PHKB: variants seen among roughly 807,000 people sequenced by gnomAD.
The protein encoded by PHKB is phosphorylase kinase regulatory subunit beta.
A neutral mutation model predicts 152.1 loss-of-function variants in PHKB; 122 were observed. That is an observed-to-expected ratio of 0.80 (90% CI 0.69 to 0.93). The LOEUF (loss-of-function observed/expected upper bound fraction) is 0.93, where lower values mean the gene tolerates loss of function less well. Among genes scored for constraint, PHKB ranks in the 40% least tolerant of loss-of-function variants. The probability of loss-of-function intolerance (pLI) is 0.00; values close to 1 mark genes in which losing one functional copy is unlikely to be tolerated. For synonymous variants in PHKB, 436 were observed against 464.9 expected (o/e 0.94, Z 0.80); for missense variants, 1,304 against 1,328.4 (o/e 0.98, Z 0.29).
chr16:47,694,844 C>T (rs1410503848), intron 28 of PHKB, among the ~76,000 whole-genome samples: 1 of 152,156 alleles, frequency 6.6e-6, no homozygotes, highest in African/African-American at 2.4e-5. Flanking sequence ...CTAATACTTA[C>T]CAGATTTTCA....
rs566214570 is a variant in PHKB at position 47,466,087 on chromosome 16, A to G, written c.76+4661A>G. 4.6e-5 allele frequency among the ~76,000 whole-genome samples: 7 copies of G among 152,038 alleles called. No individual in the cohort carries two copies. In the East Asian group the frequency reaches 1.4e-3, roughly 29 times the overall value. On this transcript the variant is annotated intron_variant, in intron 1 of 30. Coordinates refer to ENST00000323584, the MANE Select transcript of PHKB (RefSeq NM_000293.3). ...TGTTTTTTCTTTGTTTCTCCTCTTT[A>G]TGGAATTTAGTGTGAATCCTGTATT...
At chr16:47,514,596 A>T (rs1970564489) in intron 5 of PHKB, among the ~76,000 whole-genome samples, 2 of 152,162 alleles carry the variant, frequency 1.3e-5, no homozygotes, top group Non-Finnish European at 2.9e-5. Flanking sequence ...GGTCTTCCCC[A>T]CTCAGACAGC....
chr16:47,541,202 T>C (rs1597068512), intron 6 of PHKB, among the ~76,000 whole-genome samples: 1 of 152,286 alleles, frequency 6.6e-6, no homozygotes. Flanking sequence ...TGTGTCCAAG[T>C]GTTCTCATTG....
At chr16:47,580,048 C>T (rs890207980) in intron 7 of PHKB, among the ~76,000 whole-genome samples, 2 of 152,030 alleles carry the variant, frequency 1.3e-5, no homozygotes, top group Non-Finnish European at 2.9e-5. Context: ...CTACTCCCAT[C>T]AATAGTATGA....
intron 1 of PHKB, among the ~76,000 whole-genome samples, chr16:47,472,008 A>T (rs887509894): frequency 6.6e-6 from 1 of 152,188 alleles, no homozygotes; most frequent in Non-Finnish European, 1.5e-5. Context: ...TTGAGCTGAG[A>T]TTGCACCACT....
intron 6 of PHKB, among the ~76,000 whole-genome samples, chr16:47,525,759 CTGTT>C (rs1284204713): frequency 6.6e-6 from 1 of 152,142 alleles, no homozygotes; most frequent in Non-Finnish European, 1.5e-5. Flanking sequence ...GAAGTGCACT[CTGTT>C]TGTCATTTAT....
At chr16:47,527,939 C>G (rs983498401) in intron 6 of PHKB, among the ~76,000 whole-genome samples, 3 of 152,172 alleles carry the variant, frequency 2.0e-5, no homozygotes, top group Admixed American at 6.5e-5. Flanking sequence ...ACACCTTGGT[C>G]TTAGACTTCC....
chr16:47,582,583 G>C (rs1168510126), intron 8 of PHKB, among the ~76,000 whole-genome samples: 3 of 152,082 alleles, frequency 2.0e-5, no homozygotes, highest in African/African-American at 7.2e-5. Flanking sequence ...GATTTAATTG[G>C]TGTAGGGGGA....
intron 13 of PHKB, among the ~76,000 whole-genome samples, chr16:47,599,357 T>C (rs1187581943): frequency 6.6e-6 from 1 of 152,196 alleles, no homozygotes; most frequent in Admixed American, 6.5e-5. Context: ...CTGGGTTTAG[T>C]ACAACTAGAA....
intron 14 of PHKB, among the ~76,000 whole-genome samples, chr16:47,620,325 A>G (rs1449045944): frequency 6.6e-6 from 1 of 152,216 alleles, no homozygotes; most frequent in Non-Finnish European, 1.5e-5. Flanking sequence ...ATGGTTAAGA[A>G]CACAGGAGGC....
intron 1 of PHKB, among the ~76,000 whole-genome samples, chr16:47,488,686 A>G (rs758942212): frequency 6.6e-6 from 1 of 152,192 alleles, no homozygotes; most frequent in Non-Finnish European, 1.5e-5. Context: ...TCCCAGTACC[A>G]TTTATTGAAT....
intron 14 of PHKB, among the ~76,000 whole-genome samples, chr16:47,637,197 T>C (rs905394371): frequency 6.6e-6 from 1 of 152,068 alleles, no homozygotes; most frequent in Admixed American, 6.5e-5. Flanking sequence ...CCACTTTGGG[T>C]CTCCTGGGAG....
chr16:47,503,907 T>TA (rs1255040558), intron 4 of PHKB, among the ~76,000 whole-genome samples: 2 of 152,158 alleles, frequency 1.3e-5, no homozygotes, highest in Admixed American at 6.5e-5. Context: ...TAACAACATT[T>TA]AAAAAACTAT....
intron 4 of PHKB, among the ~76,000 whole-genome samples, chr16:47,504,766 G>T (rs369956806): frequency 1.3e-5 from 2 of 152,248 alleles, no homozygotes; most frequent in African/African-American, 2.4e-5. Context: ...TCAGTGTTTT[G>T]CAAGAAAGCC....
intron 28 of PHKB, 54 bp from the exon 29 acceptor site, chr16:47,696,327 A>G (rs1974145624): frequency 2.3e-6 from 2 of 887,228 alleles, no homozygotes; most frequent in African/African-American, 1.6e-5. Context: ...CTTCTATTAA[A>G]TGAGAACCAG....
At chr16:47,601,406 T>TA (rs1413542410) in intron 13 of PHKB, among the ~76,000 whole-genome samples, 1 of 152,128 alleles carries the variant, frequency 6.6e-6, no homozygotes, top group Non-Finnish European at 1.5e-5. Flanking sequence ...TATCAGCTTT[T>TA]AAAAATCTGA....
At chr16:47,476,055 GGACAGGA>G (rs1338314195) in intron 1 of PHKB, among the ~76,000 whole-genome samples, 1 of 151,574 alleles carries the variant, frequency 6.6e-6, no homozygotes. Flanking sequence ...CTTGTTTTAG[GGACAGGA>G]TCTTGCTATG....
intron 14 of PHKB, among the ~76,000 whole-genome samples, chr16:47,633,550 C>T (rs1430196572): frequency 6.6e-6 from 1 of 152,068 alleles, no homozygotes; most frequent in African/African-American, 2.4e-5. Flanking sequence ...CTAGTAGGGA[C>T]AAAAGATATT....
At chr16:47,632,725 G>A (rs189509133) in intron 14 of PHKB, among the ~76,000 whole-genome samples, 2 of 152,202 alleles carry the variant, frequency 1.3e-5, no homozygotes, top group East Asian at 1.9e-4. Context: ...AAAAGAGCAA[G>A]GAAAAGAAAC....
Sources: allele counts gnomAD v4.1 joint callset (sites outside exome capture counted in the v4.1 genomes callset), GRCh38; gene constraint gnomAD v4.1.1; transcripts MANE v1.5; gene names NCBI Gene and HGNC (gene_info 2026-07-23, HGNC 2026-07-21).